CLIP1: variants seen among roughly 807,000 people sequenced by gnomAD.
CLIP1 encodes the protein CAP-Gly domain containing linker protein 1.
In CLIP1, 66 loss-of-function variants were observed where a neutral mutation model predicts 161.6. That is an observed-to-expected ratio of 0.41 (90% CI 0.33 to 0.50). The LOEUF is 0.50. CLIP1 is among the 20% of genes least tolerant of loss of function. The pLI, the probability that CLIP1 is intolerant of heterozygous loss-of-function variation, is 0.27. For synonymous variants in CLIP1, 598 were observed against 626.2 expected (o/e 0.96, Z 0.67); for missense variants, 1,376 against 1,702.0 (o/e 0.81, Z 3.37).
chr12:122,379,943 T>TAAAAAAAAAAAAAAAAAAAAAAAAAAAA lies in CLIP1; in HGVS notation c.85+424_85+425insTTTTTTTTTTTTTTTTTTTTTTTTTTTT, dbSNP rs1566198620. ...TGGGGAATAGAGCAAGACTCCATCT[T>TAAAAAAAAAAAAAAAAAAAAAAAAAAAA]TAAAAAAAAAAAAAAAAAATGCAAG... On this transcript the variant is annotated intron_variant, in intron 2 of 25. Coordinates refer to ENST00000620786, the MANE Select transcript of CLIP1 (RefSeq NM_001247997.2). Among the ~76,000 whole-genome samples, 10 of 70,412 alleles carry TAAAAAAAAAAAAAAAAAAAAAAAAAAAA rather than the reference T, an allele frequency of 1.4e-4. 3 individuals carry two copies. In the East Asian group the frequency reaches 4.9e-3, roughly 34 times the overall value. The allele number at this position is 70,412 out of a possible 152,430, so 46.2% of individuals were successfully genotyped here.
At position 122,328,722 on chromosome 12, in the gene CLIP1, C is replaced by T. The variant is rs1419738855; in HGVS notation, c.2868-296G>A. On this transcript the variant is annotated intron_variant, in intron 15 of 25. Coordinates refer to ENST00000620786, the MANE Select transcript of CLIP1 (RefSeq NM_001247997.2). ...TCAGCCTCCCCAGTAGCTGGGACTA[C>T]AGGCACCTGCCAGCACGCCTGGCTA... Among the ~76,000 whole-genome samples, 6 of 152,268 alleles carry T rather than the reference C, an allele frequency of 3.9e-5. No homozygotes were observed. The East Asian group carries it at 9.7e-4, about 25-fold the overall frequency.
rs772944083 is a variant in CLIP1 at position 122,385,355 on chromosome 12, A to AAGG, written c.-106-4800_-106-4798dup. The stretch of plus-strand genomic sequence containing the variant: ...TGAAAAGGAGTGACGGCAACGGATG[A>AAGG]AGGGCTGCTGCAGCGACGACACTGG... On this transcript the variant is annotated intron_variant, in intron 1 of 25. Coordinates refer to ENST00000620786, the MANE Select transcript of CLIP1 (RefSeq NM_001247997.2). 4.5e-4 allele frequency among the ~76,000 whole-genome samples: 69 copies of AAGG among 152,316 alleles called. 1 individual carries two copies. Among genetic ancestry groups the AAGG allele is most frequent in the Admixed American group, 2.5e-3 (39 of 15,298 alleles).
At chr12:122,317,275 G>A (rs896833301) in intron 18 of CLIP1, among the ~76,000 whole-genome samples, 1 of 152,164 alleles carries the variant, frequency 6.6e-6, no homozygotes, top group Non-Finnish European at 1.5e-5. Flanking sequence ...AGTGATTTAG[G>A]ATACGATATT....
chr12:122,343,999 C>G (rs896045869), intron 10 of CLIP1: 1 of 152,382 alleles, frequency 6.6e-6, no homozygotes, highest in Non-Finnish European at 1.5e-5. Context: ...AAGAGGATCA[C>G]TTGTGGCCAG....
chr12:122,314,257 C>A (rs543107394), intron 19 of CLIP1, among the ~76,000 whole-genome samples: 1 of 145,890 alleles, frequency 6.9e-6, no homozygotes, highest in East Asian at 2.0e-4. Flanking sequence ...CACCACTGCA[C>A]TCTAGCCTGG....
chr12:122,275,336 C>A (rs567011219), intron 24 of CLIP1: 1 of 152,042 alleles, frequency 6.6e-6, no homozygotes, highest in Non-Finnish European at 1.5e-5. Context: ...ATTGGCCAGG[C>A]GTGGTGGCTC....
In CLIP1 at chr12:122,311,090, ATC is replaced by A. The variant is rs1291027505; in HGVS notation, c.3474-1210_3474-1209del. Among the ~76,000 whole-genome samples, 1 of 152,174 alleles carries A rather than the reference ATC, an allele frequency of 6.6e-6. No individual in the cohort carries two copies. Among genetic ancestry groups the A allele is most frequent in the East Asian group, 1.9e-4 (1 of 5,208 alleles). On this transcript the variant is annotated intron_variant, in intron 19 of 25. Coordinates refer to ENST00000620786, the MANE Select transcript of CLIP1 (RefSeq NM_001247997.2). The surrounding 1 kb of genome is among the most constrained non-coding windows in gnomAD (Gnocchi z 4.3). The stretch of plus-strand genomic sequence containing the variant: ...TCACAAAAGAGATGCATATATATGA[ATC>A]TCTCTCTATATATGTATATATGTAT...
At chr12:122,416,103 T>TACA (rs1273557226) in intron 1 of CLIP1, among the ~76,000 whole-genome samples, 1 of 151,500 alleles carries the variant, frequency 6.6e-6, no homozygotes, top group Admixed American at 6.6e-5. Context: ...CTGGGCGTGG[T>TACA]GGCAGGCGCC....
chr12:122,383,636 T>A (rs373242604), intron 1 of CLIP1, among the ~76,000 whole-genome samples: 1 of 152,252 alleles, frequency 6.6e-6, no homozygotes, highest in African/African-American at 2.4e-5. Context: ...AACGCCAGTG[T>A]TGATTTTTTA....
chr12:122,332,427 CTTA>C (rs1049109374), intron 15 of CLIP1, among the ~76,000 whole-genome samples: 6 of 150,342 alleles, frequency 4.0e-5, no homozygotes. Context: ...TTTCTTTTTT[CTTA>C]TTTCTTTTTA....
At chr12:122,415,499 A>AG (rs928490593) in intron 1 of CLIP1, among the ~76,000 whole-genome samples, 1 of 147,616 alleles carries the variant, frequency 6.8e-6, no homozygotes, top group African/African-American at 2.5e-5. Context: ...AAAAAAAAAA[A>AG]AAGTGTTATC....
intron 20 of CLIP1, among the ~76,000 whole-genome samples, chr12:122,307,133 C>T (rs1488531242): frequency 6.6e-6 from 1 of 151,124 alleles, no homozygotes; most frequent in Admixed American, 6.6e-5. Context: ...CTCAGTATCC[C>T]GAGTAGCTGG....
chr12:122,354,682 A>T (rs1370711565), intron 6 of CLIP1, 126 bp from the exon 7 acceptor site: 1 of 668,698 alleles, frequency 1.5e-6, no homozygotes, highest in African/African-American at 1.8e-5. Context: ...TATGTTAAAA[A>T]GCTTTCTCTA....
intron 1 of CLIP1, among the ~76,000 whole-genome samples, chr12:122,404,237 G>C (rs1566236483): frequency 6.6e-6 from 1 of 152,136 alleles, no homozygotes; most frequent in African/African-American, 2.4e-5. Context: ...GAGATTCACT[G>C]GACAGAATAT....
At chr12:122,278,093 G>T (rs1426763693) in intron 24 of CLIP1, 61 bp downstream of exon 24, 4 of 1,481,030 alleles carry the variant, frequency 2.7e-6, no homozygotes, top group Non-Finnish European at 3.7e-6. Context: ...GAAAATAAAC[G>T]AAAAGATTCA....
intron 19 of CLIP1, 110 bp from the exon 20 acceptor site, chr12:122,309,992 G>C: frequency 8.2e-7 from 1 of 1,212,292 alleles, no homozygotes; most frequent in South Asian, 1.4e-5. Flanking sequence ...TCACGTGCCT[G>C]ATAGGATCTA....
At chr12:122,283,276 T>A (rs1442281550) in intron 21 of CLIP1, among the ~76,000 whole-genome samples, 1 of 152,120 alleles carries the variant, frequency 6.6e-6, no homozygotes, top group Non-Finnish European at 1.5e-5. Context: ...TTTAAAAGGC[T>A]TACCCAACTT....
Position 122,377,700 on chromosome 12 carries a change from C to T in CLIP1, c.346G>A (p.Gly116Ser). Residue 116 changes from glycine (G) to serine (S), a missense_variant, in exon 3 of 26, where the codon GGC becomes AGC. Physicochemically the swap from Gly to Ser is moderately conservative, Grantham distance 56. Around this residue, in one of 6 missense-constraint regions of CLIP1, gnomAD observed 119 missense variants for 112.0 expected, o/e 1.06. Coordinates refer to ENST00000620786, the MANE Select transcript of CLIP1 (RefSeq NM_001247997.2). ...AACTTTGAAGGTCGGGTAAATATGC[C>T]CTTTAAAGGTTCACACTGGAAATAC... The part of the protein sequence containing the change: ...VRYFQCEPLK[G>S]IFTRPSKLTR... 2 of 1,613,668 alleles carry T rather than the reference C, an allele frequency of 1.2e-6. No individual in the cohort carries two copies. Among genetic ancestry groups the T allele is most frequent in the Non-Finnish European group, 1.7e-6 (2 of 1,179,972 alleles).
intron 3 of CLIP1, among the ~76,000 whole-genome samples, chr12:122,374,492 G>A (rs1337146766): frequency 6.1e-5 from 9 of 148,486 alleles, no homozygotes; most frequent in African/African-American, 2.2e-4. Flanking sequence ...AGCCAGGCGC[G>A]GTGGCTCACA....
Sources: allele counts gnomAD v4.1 joint callset (sites outside exome capture counted in the v4.1 genomes callset), GRCh38; gene constraint gnomAD v4.1.1; regional missense constraint gnomAD v4.1.1; non-coding constraint Gnocchi (gnomAD v3.1); transcripts MANE v1.5; gene names NCBI Gene and HGNC (gene_info 2026-07-23, HGNC 2026-07-21).